The following STK3 variants were observed in gnomAD, a reference collection of about 807,000 sequenced individuals.
The protein encoded by STK3 is serine/threonine-protein kinase 3.
Under a neutral mutation model 58.0 loss-of-function variants are expected in STK3, and 41 were observed. The observed-to-expected ratio is 0.71, with a 90% CI of 0.55 to 0.92. The LOEUF (loss-of-function observed/expected upper bound fraction) is 0.92. Among genes scored for constraint, STK3 ranks in the 40% least tolerant of loss-of-function variants. The probability of loss-of-function intolerance (pLI) is 0.00; values close to 1 mark genes in which losing one functional copy is unlikely to be tolerated. For synonymous variants in STK3, 170 were observed against 191.0 expected (o/e 0.89, Z 0.91); for missense variants, 479 against 602.7 (o/e 0.79, Z 2.15).
At chr8:98,414,597 G>A (rs1818093323) in intron 3 of STK3, among the ~76,000 whole-genome samples, 2 of 152,152 alleles carry the variant, frequency 1.3e-5, no homozygotes, top group South Asian at 2.1e-4. Flanking sequence ...ATCCAACTTC[G>A]AAACAGTGGG....
intron 1 of STK3, among the ~76,000 whole-genome samples, chr8:98,895,446 T>C (rs1223835360): frequency 1.3e-5 from 2 of 152,208 alleles, no homozygotes; most frequent in East Asian, 1.9e-4. Flanking sequence ...GAAGTGGTTC[T>C]AGTCCCAGCT....
chr8:98,706,160 C>G (rs1019451195), intron 6 of STK3, among the ~76,000 whole-genome samples: 10 of 151,714 alleles, frequency 6.6e-5, no homozygotes, highest in African/African-American at 2.4e-4. Context: ...AAACAATAAA[C>G]TGAAGAGCAA....
intron 3 of STK3, among the ~76,000 whole-genome samples, chr8:98,842,106 TA>T (rs1211382400): frequency 6.6e-6 from 1 of 151,958 alleles, no homozygotes. Flanking sequence ...ATATGAATTT[TA>T]AAAAAAATAG....
At chr8:98,593,376 C>A (rs180871213) in intron 7 of STK3, among the ~76,000 whole-genome samples, 1 of 152,224 alleles carries the variant, frequency 6.6e-6, no homozygotes, top group East Asian at 1.9e-4. Flanking sequence ...ATAATCTGTA[C>A]ACGTAAGCTA....
At chr8:98,420,821 A>G in intron 3 of STK3, among the ~76,000 whole-genome samples, 1 of 152,266 alleles carries the variant, frequency 6.6e-6, no homozygotes. Context: ...CGTCATGGCT[A>G]ACATTTTCAG....
chr8:98,940,197 C>T (rs1057440089), intron 1 of STK3, among the ~76,000 whole-genome samples: 5 of 152,158 alleles, frequency 3.3e-5, no homozygotes, highest in East Asian at 1.9e-4. Flanking sequence ...TGTGCAGGAG[C>T]CGGTGCGCCC....
At chr8:98,407,072 T>A (rs1818001123) in intron 3 of STK3, among the ~76,000 whole-genome samples, 2 of 152,192 alleles carry the variant, frequency 1.3e-5, no homozygotes. Context: ...ATGGGGCACC[T>A]CTCTTTCCAG....
chr8:98,909,232 G>A (rs1316933323), intron 1 of STK3, among the ~76,000 whole-genome samples: 2 of 152,096 alleles, frequency 1.3e-5, no homozygotes, highest in East Asian at 3.8e-4. Context: ...ATTTTATACA[G>A]GCTCCTGGCC....
At chr8:98,861,196 A>C (rs1836922866) in intron 3 of STK3, among the ~76,000 whole-genome samples, 1 of 152,138 alleles carries the variant, frequency 6.6e-6, no homozygotes, top group African/African-American at 2.4e-5. Flanking sequence ...CTTACACTAC[A>C]GGGTTTGAAT....
At chr8:98,757,480 A>T (rs945182002) in intron 3 of STK3, among the ~76,000 whole-genome samples, 2 of 149,814 alleles carry the variant, frequency 1.3e-5, no homozygotes, top group African/African-American at 4.9e-5. Flanking sequence ...CTGTAATCCC[A>T]GCTACTCAGG....
At chr8:98,846,311 C>T (rs1302066619) in intron 3 of STK3, among the ~76,000 whole-genome samples, 1 of 152,188 alleles carries the variant, frequency 6.6e-6, no homozygotes, top group Non-Finnish European at 1.5e-5. Context: ...TTTGTTCACC[C>T]ATGTCCCTGG....
chr8:98,893,478 GAAAGAAAGAGAAAGAAAGAAAGAA>G (rs1838306822), intron 1 of STK3, among the ~76,000 whole-genome samples: 41 of 65,184 alleles, frequency 6.3e-4, no homozygotes, highest in African/African-American at 1.4e-3. Flanking sequence ...AAGAAAGAAA[GAAAGAAAGAGAAAGAAAGAAAGAA>G]AGAAAGAAAG....
intron 2 of STK3, among the ~76,000 whole-genome samples, chr8:98,436,470 A>G (rs373656123): frequency 1.2e-4 from 19 of 152,192 alleles, no homozygotes; most frequent in African/African-American, 4.6e-4. Flanking sequence ...CCTCATTTCT[A>G]TCAATGGAAC....
At chr8:98,911,264 C>T (rs1380917684) in intron 1 of STK3, among the ~76,000 whole-genome samples, 1 of 152,182 alleles carries the variant, frequency 6.6e-6, no homozygotes, top group Non-Finnish European at 1.5e-5. Flanking sequence ...ATTAGGTAGA[C>T]CACAACTAAT....
chr8:98,552,850 CT>C (rs1369871899), intron 8 of STK3, among the ~76,000 whole-genome samples: 1 of 152,118 alleles, frequency 6.6e-6, no homozygotes, highest in African/African-American at 2.4e-5. Flanking sequence ...TATATTTTCA[CT>C]TATTAATCAT....
At chr8:98,613,121 A>C (rs1321470206) in intron 6 of STK3, among the ~76,000 whole-genome samples, 1 of 152,240 alleles carries the variant, frequency 6.6e-6, no homozygotes, top group East Asian at 1.9e-4. Context: ...AGCAATAATG[A>C]GGAGCCACTC....
intron 1 of STK3, among the ~76,000 whole-genome samples, chr8:98,779,920 T>G (rs1831974225): frequency 6.6e-6 from 1 of 151,660 alleles, no homozygotes; most frequent in South Asian, 2.1e-4. Context: ...ATATATAAAC[T>G]TATATATAAG....
At chr8:98,661,871 C>CT (rs1279952363) in intron 6 of STK3, among the ~76,000 whole-genome samples, 1 of 152,072 alleles carries the variant, frequency 6.6e-6, no homozygotes. Flanking sequence ...GACTCAGTGC[C>CT]TATACCTACC....
intron 6 of STK3, among the ~76,000 whole-genome samples, chr8:98,696,607 G>A (rs1200358841): frequency 2.0e-5 from 3 of 152,144 alleles, no homozygotes; most frequent in Non-Finnish European, 4.4e-5. Context: ...TGCATCTATT[G>A]AGATAATCAT....
Sources: allele counts gnomAD v4.1 joint callset (sites outside exome capture counted in the v4.1 genomes callset), GRCh38; gene constraint gnomAD v4.1.1; transcripts MANE v1.5; gene names NCBI Gene and HGNC (gene_info 2026-07-23, HGNC 2026-07-21).